Variants in IGF1R observed in about 807,000 individuals in gnomAD.
The protein encoded by IGF1R is insulin-like growth factor 1 receptor.
Under a neutral mutation model 144.6 loss-of-function variants are expected in IGF1R, and 44 were observed. That is an observed-to-expected ratio of 0.30 (90% CI 0.24 to 0.39). The LOEUF is 0.39. Ranked by LOEUF, IGF1R falls within the 10% of genes least tolerant of loss-of-function variation. The pLI is 1.00. For missense variants in IGF1R, 1,355 were observed against 1,833.7 expected (o/e 0.74, Z 4.77); for synonymous variants, 795 against 722.8 (o/e 1.10, Z -1.60).
chr15:98,698,692 G>A (rs572447232), intron 1 of IGF1R, among the ~76,000 whole-genome samples: 1 of 152,332 alleles, frequency 6.6e-6, no homozygotes, highest in East Asian at 1.9e-4. Context: ...GGTTGGTGAT[G>A]GATCCAAGAG....
chr15:98,950,192 C>T (rs1318311854), intron 20 of IGF1R, among the ~76,000 whole-genome samples: 1 of 152,210 alleles, frequency 6.6e-6, no homozygotes, highest in Non-Finnish European at 1.5e-5. Context: ...TATCTCTCAC[C>T]CATCCACCCC....
intron 2 of IGF1R, among the ~76,000 whole-genome samples, chr15:98,781,141 T>G (rs1439571651): frequency 6.6e-6 from 1 of 152,128 alleles, no homozygotes; most frequent in Admixed American, 6.6e-5. Context: ...AAAAAGAGAT[T>G]TAAATGAAGC....
chr15:98,956,109 C>A (rs539719063), intron 20 of IGF1R, among the ~76,000 whole-genome samples: 1 of 152,220 alleles, frequency 6.6e-6, no homozygotes, highest in African/African-American at 2.4e-5. Context: ...CCGGGCCTTT[C>A]CTGGGTCAGG....
At chr15:98,955,280 C>T (rs1389262177) in intron 20 of IGF1R, among the ~76,000 whole-genome samples, 3 of 152,234 alleles carry the variant, frequency 2.0e-5, no homozygotes, top group Non-Finnish European at 4.4e-5. Context: ...AAAGTGGCCA[C>T]ATGGAACTCT....
At chr15:98,819,022 A>G (rs904489232) in intron 2 of IGF1R, among the ~76,000 whole-genome samples, 5 of 152,014 alleles carry the variant, frequency 3.3e-5, no homozygotes, top group Admixed American at 2.0e-4. Flanking sequence ...AGGAGTGGGG[A>G]GGGAGGAGCA....
At chr15:98,776,841 T>A (rs953900404) in intron 2 of IGF1R, among the ~76,000 whole-genome samples, 76 of 152,318 alleles carry the variant, frequency 5.0e-4, no homozygotes, top group African/African-American at 1.8e-3. Context: ...TGACCTTGAA[T>A]GGTCTTTCCG....
chr15:98,897,722 C>T (rs1190198867), intron 4 of IGF1R, among the ~76,000 whole-genome samples: 1 of 152,182 alleles, frequency 6.6e-6, no homozygotes, highest in South Asian at 2.1e-4. Flanking sequence ...ACCACAGGCA[C>T]ACACTACCAT....
chr15:98,923,937 T>TA lies in IGF1R; in HGVS notation c.2547_2548insA (p.Leu850IlefsTer7). On this transcript the variant is annotated frameshift_variant, in exon 12 of 21. Transcript: ENST00000650285. LOFTEE classifies it high-confidence loss of function. ...AGCCAAGGCCTGAAAACTCCATCTT[T>TA]TTAAAGTGGCCGGAACCTGAGAATC... The TA allele has an allele frequency of 6.2e-7, 1 of 1,613,592 alleles. No individual in the cohort carries two copies. The highest frequency in any genetic ancestry group is 8.5e-7 in the Non-Finnish European group (1 of 1,179,440).
chr15:98,793,917 A>G (rs767946815), intron 2 of IGF1R, among the ~76,000 whole-genome samples: 4 of 152,208 alleles, frequency 2.6e-5, no homozygotes, highest in Non-Finnish European at 4.4e-5. Context: ...AGATAGCTTC[A>G]CTTTTGCAAA....
chr15:98,695,301 G>T (rs2053571164), intron 1 of IGF1R, among the ~76,000 whole-genome samples: 1 of 152,168 alleles, frequency 6.6e-6, no homozygotes. Flanking sequence ...ACGGGTCAAG[G>T]CATTGGGGTT....
chr15:98,801,153 C>A (rs1488151868), intron 2 of IGF1R, among the ~76,000 whole-genome samples: 1 of 152,146 alleles, frequency 6.6e-6, no homozygotes, highest in Admixed American at 6.5e-5. Context: ...TCCCTCTCCC[C>A]AACCTCAGAG....
intron 2 of IGF1R, among the ~76,000 whole-genome samples, chr15:98,786,810 TG>T (rs2056009109): frequency 6.6e-6 from 1 of 152,202 alleles, no homozygotes; most frequent in Non-Finnish European, 1.5e-5. Flanking sequence ...CCTGCATGAC[TG>T]TAGGACAGAG....
intron 2 of IGF1R, among the ~76,000 whole-genome samples, chr15:98,734,953 C>G (rs1278837679): frequency 6.6e-6 from 1 of 152,176 alleles, no homozygotes; most frequent in East Asian, 1.9e-4. Context: ...ACTCTACTTT[C>G]AGTTTCTTGC....
intron 1 of IGF1R, among the ~76,000 whole-genome samples, chr15:98,675,826 CTTTT>C (rs869068918): frequency 8.7e-4 from 40 of 46,138 alleles, no homozygotes; most frequent in Non-Finnish European, 1.4e-3. Flanking sequence ...TTCTTTCTTT[CTTTT>C]TTTTTTTTTT....
rs530626259 is a variant in IGF1R, at chr15:98,847,720, T to C, written c.641-43605T>C. Among the ~76,000 whole-genome samples, 6 of 152,362 alleles carry C rather than the reference T, an allele frequency of 3.9e-5. No individual in the cohort carries two copies. In the South Asian group the frequency reaches 1.2e-3, roughly 32 times the overall value. On this transcript the variant is annotated intron_variant, in intron 2 of 20. Transcript: ENST00000650285. ...CAGAATCGTCTGGATCTACATTATG[T>C]GGGAATGTTTATTCCCCCCTTTACT...
chr15:98,812,368 T>G (rs1286930880), intron 2 of IGF1R, among the ~76,000 whole-genome samples: 4 of 151,082 alleles, frequency 2.6e-5, no homozygotes, highest in African/African-American at 9.9e-5. Flanking sequence ...GCTTTTTTTT[T>G]TTTTTCAAGG....
chr15:98,916,609 C>T, intron 9 of IGF1R, 63 bp from the exon 10 acceptor site: 9 of 1,373,986 alleles, frequency 6.6e-6, no homozygotes, highest in Non-Finnish European at 9.4e-6. Context: ...TATTATTTTT[C>T]CTTACAAGCA....
At chr15:98,739,421 A>G (rs2054686592) in intron 2 of IGF1R, among the ~76,000 whole-genome samples, 1 of 152,072 alleles carries the variant, frequency 6.6e-6, no homozygotes, top group Non-Finnish European at 1.5e-5. Context: ...TCAAAGTATC[A>G]CTGTGGATAT....
chr15:98,812,205 C>T (rs899139568), intron 2 of IGF1R, among the ~76,000 whole-genome samples: 5 of 152,272 alleles, frequency 3.3e-5, no homozygotes, highest in Admixed American at 2.0e-4. Context: ...TCTTGGGATG[C>T]GGCTGAAGAT....
Sources: allele counts gnomAD v4.1 joint callset (sites outside exome capture counted in the v4.1 genomes callset), GRCh38; gene constraint gnomAD v4.1.1; transcripts MANE v1.5; gene names NCBI Gene and HGNC (gene_info 2026-07-23, HGNC 2026-07-21).